Variants in MED12L observed in about 807,000 individuals in gnomAD.
MED12L encodes the protein mediator complex subunit 12L.
In MED12L, 60 loss-of-function variants were observed where a neutral mutation model predicts 281.3. The observed-to-expected ratio is 0.21, with a 90% CI of 0.17 to 0.26. The LOEUF (loss-of-function observed/expected upper bound fraction) is 0.26. MED12L is among the 10% of genes least tolerant of loss of function. The probability of loss-of-function intolerance (pLI) is 1.00; values close to 1 mark genes in which losing one functional copy is unlikely to be tolerated. For synonymous variants in MED12L, 974 were observed against 987.2 expected (o/e 0.99, Z 0.25); for missense variants, 2,146 against 2,680.9 (o/e 0.80, Z 4.41).
At chr3:151,151,649 G>A (rs1021654234) in intron 5 of MED12L, among the ~76,000 whole-genome samples, 2 of 151,984 alleles carry the variant, frequency 1.3e-5, no homozygotes, top group African/African-American at 2.4e-5. Flanking sequence ...CAGAACACAC[G>A]CAACATTTAT....
chr3:151,436,445 T>G lies in MED12L; in HGVS notation c.*3641T>G. 1 of 373,408 alleles carries G rather than the reference T, an allele frequency of 2.7e-6. No homozygotes were observed. Among genetic ancestry groups the G allele is most frequent in the Non-Finnish European group, 4.8e-6 (1 of 208,480 alleles). 23.1% of individuals were successfully genotyped at this position (373,408 alleles called of 1,614,324 possible). On this transcript the variant is annotated 3_prime_UTR_variant, in exon 45 of 45. Transcript: ENST00000687756. ...TATAGTGAACCGTTTCAATGTTTGT[T>G]TATTGTTATTTGTTGGCAAAATAAA...
intron 16 of MED12L, chr3:151,336,910 GATCA>G (rs1192138868): frequency 6.3e-6 from 1 of 157,906 alleles, no homozygotes; most frequent in African/African-American, 2.4e-5. Flanking sequence ...ATTACAAACA[GATCA>G]ATCACTTTCC....
intron 16 of MED12L, among the ~76,000 whole-genome samples, chr3:151,283,495 T>C (rs569929690): frequency 6.6e-6 from 1 of 152,254 alleles, no homozygotes; most frequent in Non-Finnish European, 1.5e-5. Context: ...AAATGTGTCA[T>C]CTCTGATTAT....
At chr3:151,323,271 T>C (rs1330674334) in intron 16 of MED12L, among the ~76,000 whole-genome samples, 3 of 152,222 alleles carry the variant, frequency 2.0e-5, no homozygotes, top group African/African-American at 7.2e-5. Context: ...GCCTCTTTAA[T>C]TGACCTGGCC....
In MED12L at chr3:151,432,742, T is replaced by G. The variant is rs764769245; in HGVS notation, c.6491-10T>G. On this transcript the variant is annotated splice_polypyrimidine_tract_variant and intron_variant, in intron 44 of 44. Coordinates refer to ENST00000687756, the MANE Select transcript of MED12L (RefSeq NM_001393769.1). ...TCTGTAATTTTGGTTCAATTTATTTTTCTCCTTAGGCAACCAGCCACAGCA... is the reference window on the plus strand; with the variant it reads ...TCTGTAATTTTGGTTCAATTTATTTGTCTCCTTAGGCAACCAGCCACAGCA... 1 of 1,611,696 alleles carries G rather than the reference T, an allele frequency of 6.2e-7. No homozygotes were observed. Among genetic ancestry groups the G allele is most frequent in the East Asian group, 2.2e-5 (1 of 44,858 alleles).
At chr3:151,106,296 TTTC>T (rs1722028581) in intron 2 of MED12L, among the ~76,000 whole-genome samples, 1 of 105,558 alleles carries the variant, frequency 9.5e-6, no homozygotes, top group Non-Finnish European at 1.8e-5. Context: ...TCCTTTTCCT[TTTC>T]CTTTTCCTTC....
At chr3:151,402,267 T>G (rs1158164725) in intron 39 of MED12L, among the ~76,000 whole-genome samples, 2 of 152,214 alleles carry the variant, frequency 1.3e-5, no homozygotes, top group Non-Finnish European at 2.9e-5. Flanking sequence ...CTTTGGCATT[T>G]GAATATATAA....
At chr3:151,364,474 CCTCT>C (rs1405445201) in intron 21 of MED12L, among the ~76,000 whole-genome samples, 2 of 152,162 alleles carry the variant, frequency 1.3e-5, no homozygotes, top group African/African-American at 4.8e-5. Flanking sequence ...AAGGAATGTG[CCTCT>C]CTTTTTCACA....
chr3:151,401,657 A>C (rs150762224), intron 39 of MED12L, among the ~76,000 whole-genome samples: 1 of 152,322 alleles, frequency 6.6e-6, no homozygotes, highest in East Asian at 1.9e-4. Context: ...CATTTGTTAA[A>C]GGTAGGCAAA....
chr3:151,146,299 T>G (rs1470987123), intron 5 of MED12L, among the ~76,000 whole-genome samples: 3 of 152,176 alleles, frequency 2.0e-5, no homozygotes, highest in African/African-American at 7.2e-5. Flanking sequence ...CTGCATTGCC[T>G]GAAATGTCAC....
chr3:151,383,557 T>A (rs1481811040), intron 33 of MED12L, among the ~76,000 whole-genome samples: 1 of 152,186 alleles, frequency 6.6e-6, no homozygotes, highest in Non-Finnish European at 1.5e-5. Flanking sequence ...GATACTCACG[T>A]CCCTTCTTCA....
intron 16 of MED12L, among the ~76,000 whole-genome samples, chr3:151,201,249 A>G (rs974342336): frequency 1.3e-5 from 2 of 151,252 alleles, no homozygotes; most frequent in African/African-American, 4.9e-5. Context: ...TCTCTCTCAC[A>G]CGCACATTTA....
In MED12L at chr3:151,429,900, A is replaced by G. The variant is rs554623662; in HGVS notation, c.6409-399A>G. ...TTATTTTCTCCCATTTGTGCAAGGC[A>G]CAACCTGTAGTCCTTGAACAAATCT... On this transcript the variant is annotated intron_variant, in intron 43 of 44. Transcript: ENST00000687756. Among the ~76,000 whole-genome samples the G allele has an allele frequency of 8.5e-5, 13 of 152,322 alleles. No homozygotes were observed. In the South Asian group the frequency reaches 2.7e-3, roughly 32 times the overall value.
At chr3:151,391,600 C>CA (rs1164704295) in intron 38 of MED12L, among the ~76,000 whole-genome samples, 4 of 151,940 alleles carry the variant, frequency 2.6e-5, no homozygotes, top group Middle Eastern at 3.4e-3. Context: ...AAAAGAATCA[C>CA]AAAAAAAACT....
chr3:151,318,076 AT>A (rs1448133336), intron 16 of MED12L, among the ~76,000 whole-genome samples: 1 of 151,400 alleles, frequency 6.6e-6, no homozygotes, highest in Non-Finnish European at 1.5e-5. Context: ...TCAAAATTAT[AT>A]TTTTTGTATT....
chr3:151,246,280 C>T (rs1253567909), intron 16 of MED12L, among the ~76,000 whole-genome samples: 4 of 152,078 alleles, frequency 2.6e-5, no homozygotes, highest in Non-Finnish European at 5.9e-5. Flanking sequence ...CTTTAAAGTT[C>T]ATATGGAACC....
intron 11 of MED12L, among the ~76,000 whole-genome samples, chr3:151,171,106 A>G (rs1721367211): frequency 6.6e-6 from 1 of 152,192 alleles, no homozygotes; most frequent in South Asian, 2.1e-4. Context: ...GTCTTCTACA[A>G]CATGTACTCA....
chr3:151,167,065 A>T (rs907876271), intron 11 of MED12L, among the ~76,000 whole-genome samples: 1 of 152,212 alleles, frequency 6.6e-6, no homozygotes, highest in African/African-American at 2.4e-5. Context: ...CTGTTGATTT[A>T]AATCTTAATC....
chr3:151,303,925 G>C (rs1746287666), intron 16 of MED12L, among the ~76,000 whole-genome samples: 1 of 152,144 alleles, frequency 6.6e-6, no homozygotes, highest in South Asian at 2.1e-4. Flanking sequence ...AATGTCATGT[G>C]AACCAAAAAG....
Sources: allele counts gnomAD v4.1 joint callset (sites outside exome capture counted in the v4.1 genomes callset), GRCh38; gene constraint gnomAD v4.1.1; transcripts MANE v1.5; gene names NCBI Gene and HGNC (gene_info 2026-07-23, HGNC 2026-07-21).